Variants in DOCK1 observed in about 807,000 individuals in gnomAD.
DOCK1 encodes dedicator of cytokinesis protein 1.
A neutral mutation model predicts 262.7 loss-of-function variants in DOCK1; 138 were observed. That is an observed-to-expected ratio of 0.53 (90% CI 0.46 to 0.61). The LOEUF (loss-of-function observed/expected upper bound fraction) is 0.61. Among genes scored for constraint, DOCK1 ranks in the 20% least tolerant of loss-of-function variants. The pLI, the probability that DOCK1 is intolerant of heterozygous loss-of-function variation, is 0.00. For synonymous variants in DOCK1, 866 were observed against 867.4 expected, an observed-to-expected ratio of 1.00 and a Z score of 0.03; for missense variants, 1,908 against 2,370.7, an observed-to-expected ratio of 0.80 and a Z score of 4.05.
chr10:127,218,382 T>G (rs61874057), intron 27 of DOCK1, among the ~76,000 whole-genome samples: 15,319 of 152,264 alleles, frequency 0.1, 1,031 homozygotes, highest in Non-Finnish European at 0.15. Context: ...TTTTTTTGGT[T>G]GGAGGTGGTG....
At chr10:127,182,116 C>T (rs112670321) in intron 27 of DOCK1, among the ~76,000 whole-genome samples, 18 of 152,178 alleles carry the variant, frequency 1.2e-4, no homozygotes, top group African/African-American at 3.4e-4. Flanking sequence ...GGAGATGGCA[C>T]GCCCCGTTCC....
chr10:127,367,880 G>T (rs1159678002), intron 33 of DOCK1, among the ~76,000 whole-genome samples: 1 of 152,084 alleles, frequency 6.6e-6, no homozygotes, highest in Non-Finnish European at 1.5e-5. Flanking sequence ...CTTGCAGTGT[G>T]GATACTCCAA....
chr10:127,364,580 G>T (rs947183393), intron 33 of DOCK1, among the ~76,000 whole-genome samples: 1 of 152,134 alleles, frequency 6.6e-6, no homozygotes, highest in Non-Finnish European at 1.5e-5. Flanking sequence ...TGGCCAGGAT[G>T]ATCTTGATCT....
intron 27 of DOCK1, among the ~76,000 whole-genome samples, chr10:127,216,907 G>A (rs1191899639): frequency 6.6e-6 from 1 of 152,162 alleles, no homozygotes; most frequent in Admixed American, 6.6e-5. Context: ...TACATGTCGT[G>A]GGCAGTGCAT....
chr10:127,196,130 C>T (rs2057120999), intron 27 of DOCK1: 1 of 151,730 alleles, frequency 6.6e-6, no homozygotes, highest in Non-Finnish European at 1.5e-5. Flanking sequence ...GCCGCGCTCA[C>T]GCGGAGGAAG....
intron 29 of DOCK1, among the ~76,000 whole-genome samples, chr10:127,307,282 C>T (rs1252159819): frequency 1.3e-5 from 2 of 152,150 alleles, no homozygotes; most frequent in African/African-American, 2.4e-5. Flanking sequence ...CTGGGCTGGC[C>T]TCATCAAGTG....
chr10:127,316,570 T>G (rs544729154), intron 29 of DOCK1, among the ~76,000 whole-genome samples: 143 of 152,358 alleles, frequency 9.4e-4, no homozygotes, highest in Non-Finnish European at 1.8e-3. Context: ...CCTTTTTATA[T>G]TTGAAAGCAC....
At position 127,080,556 on chromosome 10, in the gene DOCK1, G is replaced by A. The variant is rs10218933; in HGVS notation, c.2445+18780G>A. Among the ~76,000 whole-genome samples the A allele has an allele frequency of 6.7e-3, 1,016 of 152,170 alleles. 6 individuals are homozygous for A. The highest frequency in any genetic ancestry group is 0.012 in the Admixed American group (177 of 15,286). The stretch of plus-strand genomic sequence containing the variant: ...AGAAAATGTCACGTCGCCTGGAGCT[G>A]TTGGGGTAGTGTGGTTGTGGTCCTT... On this transcript the variant is annotated intron_variant, in intron 23 of 51. Transcript: ENST00000623213.
At chr10:127,397,639 C>T (rs76938692) in intron 38 of DOCK1, among the ~76,000 whole-genome samples, 7 of 151,588 alleles carry the variant, frequency 4.6e-5, no homozygotes, top group Non-Finnish European at 7.4e-5. Context: ...ATGAGTTACA[C>T]GGGCAGCGAC....
chr10:126,984,316 CA>C (rs948586470), intron 4 of DOCK1, among the ~76,000 whole-genome samples: 1 of 151,554 alleles, frequency 6.6e-6, no homozygotes, highest in Non-Finnish European at 1.5e-5. Flanking sequence ...ATTCTCTTTT[CA>C]AAAAAAATTA....
intron 33 of DOCK1, among the ~76,000 whole-genome samples, chr10:127,362,767 C>G: frequency 6.6e-6 from 1 of 150,762 alleles, no homozygotes. Flanking sequence ...GTAACAAAAT[C>G]TCCTTCTGGA....
chr10:127,220,277 T>C (rs952583728), intron 27 of DOCK1, among the ~76,000 whole-genome samples: 2 of 150,632 alleles, frequency 1.3e-5, no homozygotes, highest in African/African-American at 4.9e-5. Context: ...ACTTGATGAG[T>C]CCCTAGACTG....
intron 29 of DOCK1, among the ~76,000 whole-genome samples, chr10:127,297,564 A>C (rs527576414): frequency 6.6e-6 from 1 of 152,164 alleles, no homozygotes; most frequent in Non-Finnish European, 1.5e-5. Flanking sequence ...GTTTGCTGTG[A>C]TGTGTTTTCA....
chr10:127,134,670 G>C (rs1276667697), intron 27 of DOCK1, among the ~76,000 whole-genome samples: 1 of 152,180 alleles, frequency 6.6e-6, no homozygotes, highest in Non-Finnish European at 1.5e-5. Flanking sequence ...CCCTCCCTCT[G>C]TCTGCTCTGG....
At chr10:127,298,951 C>G (rs1348457242) in intron 29 of DOCK1, among the ~76,000 whole-genome samples, 4 of 151,998 alleles carry the variant, frequency 2.6e-5, no homozygotes, top group African/African-American at 9.7e-5. Context: ...ATAGAGTCAG[C>G]CAAGGTGTCT....
intron 31 of DOCK1, among the ~76,000 whole-genome samples, chr10:127,346,080 C>T (rs1380503380): frequency 2.6e-5 from 4 of 152,196 alleles, no homozygotes; most frequent in African/African-American, 7.2e-5. Flanking sequence ...AAGTGTCCAG[C>T]GCCCGCTATT....
intron 23 of DOCK1, among the ~76,000 whole-genome samples, chr10:127,083,326 C>T (rs2047013681): frequency 1.3e-5 from 2 of 152,204 alleles, no homozygotes; most frequent in South Asian, 4.1e-4. Flanking sequence ...CTTCCCAGGA[C>T]CCCTCCAAGC....
At position 127,183,894 on chromosome 10, in the gene DOCK1, C is replaced by T. The variant is rs139882454; in HGVS notation, c.2847+56130C>T. Reference sequence around the variant, plus strand: ...GTTTAATTTTTCCCTTGACCAGCAGCTGTTGTGAACCTCTGTCTTCTCTGT... The same window carrying T: ...GTTTAATTTTTCCCTTGACCAGCAGTTGTTGTGAACCTCTGTCTTCTCTGT... On this transcript the variant is annotated intron_variant, in intron 27 of 51. Transcript: ENST00000623213. Among the ~76,000 whole-genome samples the T allele has an allele frequency of 2.6e-5, 4 of 152,296 alleles. No individual in the cohort carries two copies. The East Asian group carries it at 5.8e-4, about 22-fold the overall frequency.
At chr10:127,395,328 G>A (rs2066755381) in intron 38 of DOCK1, among the ~76,000 whole-genome samples, 1 of 152,114 alleles carries the variant, frequency 6.6e-6, no homozygotes, top group South Asian at 2.1e-4. Context: ...TCTCTGAGTA[G>A]TCATGTCCTG....
Sources: gnomAD v4.1 joint callset for allele counts (sites outside exome capture counted in the v4.1 genomes callset) on GRCh38, gnomAD v4.1.1 for gene constraint, MANE v1.5 for transcripts, NCBI Gene and HGNC (gene_info 2026-07-23, HGNC 2026-07-21) for gene names.